TENM3: variants seen among roughly 807,000 people sequenced by gnomAD.
TENM3 encodes teneurin-3.
In TENM3, 63 loss-of-function variants were observed where a neutral mutation model predicts 255.1. The observed-to-expected ratio is 0.25, with a 90% CI of 0.20 to 0.30. The LOEUF (loss-of-function observed/expected upper bound fraction) is 0.30, where lower values mean the gene tolerates loss of function less well. Ranked by LOEUF, TENM3 falls within the 10% of genes least tolerant of loss-of-function variation. The pLI is 1.00. For missense variants in TENM3, 2,929 were observed against 3,461.1 expected (o/e 0.85, Z 3.86); for synonymous variants, 1,306 against 1,322.3 (o/e 0.99, Z 0.27).
chr4:182,387,502 G>GCTGCC (rs1768041115), intron 3 of TENM3, among the ~76,000 whole-genome samples: 1 of 152,148 alleles, frequency 6.6e-6, no homozygotes, highest in African/African-American at 2.4e-5. Context: ...ATAAAAGAAG[G>GCTGCC]CTGCCGGAGC....
intron 3 of TENM3, among the ~76,000 whole-genome samples, chr4:182,506,205 T>C (rs1051551873): frequency 6.6e-6 from 1 of 152,214 alleles, no homozygotes; most frequent in African/African-American, 2.4e-5. Flanking sequence ...CCCGAAACCA[T>C]GTTTATAATG....
the TENM3 span, among the ~76,000 whole-genome samples, chr4:182,011,579 T>C: frequency 6.6e-6 from 1 of 152,200 alleles, no homozygotes; most frequent in South Asian, 2.1e-4. Context: ...CCAAGATTCT[T>C]AATGTAGCAT....
chr4:181,458,499 A>G, the TENM3 span, among the ~76,000 whole-genome samples: 1 of 151,936 alleles, frequency 6.6e-6, no homozygotes, highest in South Asian at 2.1e-4. Context: ...TTGAAAAAAC[A>G]AGAGATGCGT....
chr4:181,807,705 A>G, the TENM3 span, among the ~76,000 whole-genome samples: 25 of 152,196 alleles, frequency 1.6e-4, no homozygotes, highest in Non-Finnish European at 3.5e-4. Flanking sequence ...TTTTTCTTTC[A>G]TAATCATCAA....
rs766183661 is a variant in TENM3, at chr4:182,752,070, T to A, written c.3862+38T>A. The A allele has an allele frequency of 8.3e-4, 977 of 1,177,846 alleles. No individual in the cohort carries two copies. In the East Asian group the frequency reaches 0.019, roughly 23 times the overall value. The allele number at this position is 1,177,846 out of a possible 1,614,324, so 73.0% of individuals were successfully genotyped here. ...GGCGATTTGAGGATTTCTTTTTATT[T>A]ATTAAAAAAAAAAAAAAAGGGGTTG... On this transcript the variant is annotated intron_variant, in intron 20 of 27. Coordinates refer to ENST00000511685, the MANE Select transcript of TENM3 (RefSeq NM_001080477.4).
At chr4:182,763,891 T>G (rs1025381562) in intron 22 of TENM3, among the ~76,000 whole-genome samples, 2 of 152,252 alleles carry the variant, frequency 1.3e-5, no homozygotes, top group East Asian at 3.8e-4. Flanking sequence ...TATCTTTATG[T>G]TCATATCGGT....
chr4:182,004,295 C>T, the TENM3 span, among the ~76,000 whole-genome samples: 1 of 152,106 alleles, frequency 6.6e-6, no homozygotes, highest in Admixed American at 6.5e-5. Flanking sequence ...TCAACTCCCA[C>T]TTATGAGTGA....
chr4:181,921,949 G>T, the TENM3 span, among the ~76,000 whole-genome samples: 10 of 152,078 alleles, frequency 6.6e-5, no homozygotes, highest in Non-Finnish European at 1.5e-4. Flanking sequence ...CATGAAAGTT[G>T]TTGAATTTTG....
chr4:182,347,739 A>G (rs1764919775), intron 3 of TENM3, among the ~76,000 whole-genome samples: 1 of 152,326 alleles, frequency 6.6e-6, no homozygotes, highest in South Asian at 2.1e-4. Flanking sequence ...TGCTTCTAGG[A>G]AGAATTGGGG....
At chr4:181,997,853 C>T in the TENM3 span, among the ~76,000 whole-genome samples, 2 of 152,138 alleles carry the variant, frequency 1.3e-5, no homozygotes, top group Non-Finnish European at 2.9e-5. Flanking sequence ...AAGGATTAAG[C>T]CAAACTTCCT....
intron 1 of TENM3, among the ~76,000 whole-genome samples, chr4:182,209,823 C>G (rs1041497626): frequency 1.6e-4 from 25 of 151,972 alleles, no homozygotes; most frequent in African/African-American, 5.8e-4. Flanking sequence ...ATTCAATTCT[C>G]AAGAGAATGA....
intron 3 of TENM3, among the ~76,000 whole-genome samples, chr4:182,566,815 A>G (rs563301487): frequency 3.9e-5 from 6 of 152,154 alleles, no homozygotes; most frequent in Non-Finnish European, 8.8e-5. Context: ...ATTTCTTTGA[A>G]ATCTCTTCAT....
chr4:181,810,456 C>T, the TENM3 span, among the ~76,000 whole-genome samples: 720 of 152,000 alleles, frequency 4.7e-3, 3 homozygotes, highest in African/African-American at 0.015. Context: ...ATTTCTCATT[C>T]GTAGCTCCTG....
chr4:181,858,465 A>G, the TENM3 span, among the ~76,000 whole-genome samples: 2 of 152,190 alleles, frequency 1.3e-5, no homozygotes, highest in African/African-American at 4.8e-5. Context: ...CCATCGTTAT[A>G]TCAACCAATA....
At chr4:182,437,122 C>G (rs1772107687) in intron 3 of TENM3, among the ~76,000 whole-genome samples, 1 of 151,874 alleles carries the variant, frequency 6.6e-6, no homozygotes, top group Non-Finnish European at 1.5e-5. Context: ...TGCCTACTAT[C>G]TTAACACACC....
At chr4:181,611,501 T>C in the TENM3 span, among the ~76,000 whole-genome samples, 4 of 152,184 alleles carry the variant, frequency 2.6e-5, no homozygotes, top group Admixed American at 2.6e-4. Context: ...TTTTAAGGCA[T>C]ATTTTTTAGT....
the TENM3 span, among the ~76,000 whole-genome samples, chr4:181,890,573 T>G: frequency 0.012 from 1,755 of 152,220 alleles, 32 homozygotes; most frequent in African/African-American, 0.039. Flanking sequence ...TTAAAAAAAT[T>G]TTTGCACTTA....
At chr4:182,217,819 G>A (rs1252074790) in intron 1 of TENM3, among the ~76,000 whole-genome samples, 2 of 152,036 alleles carry the variant, frequency 1.3e-5, no homozygotes, top group Non-Finnish European at 2.9e-5. Context: ...CTTTGGGGCA[G>A]AAAAACAATG....
At position 182,799,941 on chromosome 4, in the gene TENM3, T is replaced by C. The variant is rs61742821; in HGVS notation, c.7690T>C (p.Leu2564=). 11,359 of 1,596,432 alleles carry C rather than the reference T, an allele frequency of 7.1e-3. 687 individuals carry two copies. In the African/African-American group the frequency reaches 0.13, roughly 18 times the overall value. The part of the protein sequence containing the change: ...TPESDLGTLR[L]TSGRKALENG... Reference sequence around the variant, plus strand: ...CGAGAGCGACCTGGGCACGCTGCGGTTGACCAGCGGCCGCAAGGCGCTGGA... The same window carrying C: ...CGAGAGCGACCTGGGCACGCTGCGGCTGACCAGCGGCCGCAAGGCGCTGGA... The change falls in exon 28 of 28, where the codon TTG becomes CTG. Residue 2564 remains leucine (L), a synonymous_variant. Coordinates refer to ENST00000511685, the MANE Select transcript of TENM3 (RefSeq NM_001080477.4). The surrounding 1 kb of genome is among the most constrained non-coding windows in gnomAD (Gnocchi z 4.2).
Sources: allele counts gnomAD v4.1 joint callset (sites outside exome capture counted in the v4.1 genomes callset), GRCh38; gene constraint gnomAD v4.1.1; non-coding constraint Gnocchi (gnomAD v3.1); transcripts MANE v1.5; gene names NCBI Gene and HGNC (gene_info 2026-07-23, HGNC 2026-07-21).